Variants in BRINP3 observed in about 807,000 individuals in gnomAD.
BRINP3 encodes the protein BMP/retinoic acid inducible neural specific 3, also known as BMP/retinoic acid-inducible neural-specific protein 3.
BRINP3 carries 19 observed loss-of-function variants against 71.0 expected under a neutral mutation model. The ratio of observed to expected loss-of-function variants is 0.27; its 90% CI spans 0.19 to 0.39. The LOEUF (loss-of-function observed/expected upper bound fraction) is 0.39, where lower values mean the gene tolerates loss of function less well. Among genes scored for constraint, BRINP3 ranks in the 10% least tolerant of loss-of-function variants. The pLI is 1.00. For synonymous variants in BRINP3, 380 were observed against 337.7 expected, an observed-to-expected ratio of 1.13 and a Z score of -1.37; for missense variants, 959 against 940.8, an observed-to-expected ratio of 1.02 and a Z score of -0.25.
chr1:190,103,325 G>A (rs1651857491), intron 7 of BRINP3, among the ~76,000 whole-genome samples: 1 of 152,020 alleles, frequency 6.6e-6, no homozygotes. Flanking sequence ...ACCCACCTAC[G>A]ACAGAGTCTT....
intron 6 of BRINP3, among the ~76,000 whole-genome samples, chr1:190,171,564 A>G (rs565969159): frequency 4.6e-5 from 7 of 152,292 alleles, no homozygotes; most frequent in African/African-American, 1.7e-4. Flanking sequence ...TTAAATTAAG[A>G]AATTTCATCC....
At chr1:190,361,243 G>C (rs1233157310) in intron 2 of BRINP3, among the ~76,000 whole-genome samples, 1 of 151,944 alleles carries the variant, frequency 6.6e-6, no homozygotes, top group Non-Finnish European at 1.5e-5. Flanking sequence ...AAAGTCAGGA[G>C]ATATTAATCA....
At chr1:190,313,048 TA>T (rs1665642106) in intron 2 of BRINP3, among the ~76,000 whole-genome samples, 1 of 151,930 alleles carries the variant, frequency 6.6e-6, no homozygotes, top group African/African-American at 2.4e-5. Flanking sequence ...AAATTACTTT[TA>T]ACCAATACAT....
chr1:190,175,848 A>C (rs1238584867), intron 6 of BRINP3, among the ~76,000 whole-genome samples: 2 of 152,122 alleles, frequency 1.3e-5, no homozygotes, highest in Non-Finnish European at 2.9e-5. Context: ...GATTAAAACA[A>C]TTTATTTCTT....
At chr1:190,209,644 AG>A (rs1655815071) in intron 6 of BRINP3, among the ~76,000 whole-genome samples, 1 of 152,162 alleles carries the variant, frequency 6.6e-6, no homozygotes, top group Admixed American at 6.6e-5. Flanking sequence ...ATATTTGCTC[AG>A]TACTTTAAAT....
intron 2 of BRINP3, among the ~76,000 whole-genome samples, chr1:190,309,375 T>C (rs1247156420): frequency 6.6e-6 from 1 of 151,830 alleles, no homozygotes; most frequent in Non-Finnish European, 1.5e-5. Context: ...ATGTATAGTA[T>C]TGATAGTTGT....
intron 6 of BRINP3, among the ~76,000 whole-genome samples, chr1:190,167,595 T>G (rs972651262): frequency 3.3e-5 from 5 of 152,138 alleles, no homozygotes; most frequent in African/African-American, 4.8e-5. Context: ...CTGTAGGGCT[T>G]CAAAACAAGC....
At chr1:190,396,003 A>G (rs943775392) in intron 2 of BRINP3, among the ~76,000 whole-genome samples, 1 of 151,844 alleles carries the variant, frequency 6.6e-6, no homozygotes, top group African/African-American at 2.4e-5. Context: ...GCAAGGAAGG[A>G]AGGAAGGAGG....
chr1:190,378,018 ACT>A (rs1299798867), intron 2 of BRINP3, among the ~76,000 whole-genome samples: 1 of 152,088 alleles, frequency 6.6e-6, no homozygotes, highest in Non-Finnish European at 1.5e-5. Flanking sequence ...ACATATGAAA[ACT>A]CATCCTAAAA....
intron 6 of BRINP3, among the ~76,000 whole-genome samples, chr1:190,219,202 T>C (rs1364504668): frequency 1.3e-5 from 2 of 152,038 alleles, no homozygotes; most frequent in African/African-American, 4.8e-5. Flanking sequence ...CACAGACATT[T>C]ACCCATAAGA....
chr1:190,161,862 C>A (rs1341394078), intron 6 of BRINP3, among the ~76,000 whole-genome samples: 1 of 152,118 alleles, frequency 6.6e-6, no homozygotes, highest in Non-Finnish European at 1.5e-5. Flanking sequence ...TAAGATATTA[C>A]ACTCAGTGAA....
chr1:190,256,862 A>G (rs1285008846), intron 4 of BRINP3, among the ~76,000 whole-genome samples: 2 of 152,110 alleles, frequency 1.3e-5, no homozygotes, highest in African/African-American at 2.4e-5. Context: ...AACTTCTTTT[A>G]GTCTGACGTG....
intron 2 of BRINP3, among the ~76,000 whole-genome samples, chr1:190,295,329 A>G (rs954792872): frequency 3.3e-5 from 5 of 152,000 alleles, no homozygotes; most frequent in African/African-American, 9.7e-5. Context: ...GTCTTAGGCA[A>G]AGCCCCTGTA....
rs202175978 is a variant in BRINP3, at chr1:190,247,670, CA to C, written c.619-13194del. Among the ~76,000 whole-genome samples the C allele has an allele frequency of 3.2e-4, 49 of 151,906 alleles. No individual in the cohort carries two copies. In the East Asian group the frequency reaches 6.8e-3, roughly 21 times the overall value. ...CATACTTCTCACCCTCTAATACCCACAATTCTACTCTCTACCTCTCTACTTT... is the reference window on the plus strand; with the variant it reads ...CATACTTCTCACCCTCTAATACCCACATTCTACTCTCTACCTCTCTACTTT... On this transcript the variant is annotated intron_variant, in intron 4 of 7. Transcript: ENST00000367462.
chr1:190,414,877 T>C (rs1402179349), intron 2 of BRINP3, among the ~76,000 whole-genome samples: 1 of 152,182 alleles, frequency 6.6e-6, no homozygotes, highest in Non-Finnish European at 1.5e-5. Flanking sequence ...GTCATGACAT[T>C]TGTTGCCAAT....
At chr1:190,101,591 T>C (rs2102244353) in intron 7 of BRINP3, among the ~76,000 whole-genome samples, 1 of 152,300 alleles carries the variant, frequency 6.6e-6, no homozygotes, top group Middle Eastern at 3.4e-3. Flanking sequence ...CCTTTCTCTT[T>C]CTCTGTCCTC....
At chr1:190,350,720 G>T (rs1449507265) in intron 2 of BRINP3, among the ~76,000 whole-genome samples, 2 of 151,732 alleles carry the variant, frequency 1.3e-5, no homozygotes, top group African/African-American at 4.8e-5. Flanking sequence ...TAACCCAAAT[G>T]ACATAGCAGG....
At chr1:190,436,194 A>C (rs1674442318) in intron 2 of BRINP3, among the ~76,000 whole-genome samples, 1 of 151,988 alleles carries the variant, frequency 6.6e-6, no homozygotes, top group Non-Finnish European at 1.5e-5. Flanking sequence ...ATTATATTTT[A>C]ACATATGCTT....
At chr1:190,217,181 A>G (rs1400748233) in intron 6 of BRINP3, 2 of 152,060 alleles carry the variant, frequency 1.3e-5, no homozygotes, top group East Asian at 3.9e-4. Context: ...AGCTTTCCCA[A>G]CCATCAGGGA....
Sources: allele counts gnomAD v4.1 joint callset (sites outside exome capture counted in the v4.1 genomes callset), GRCh38; gene constraint gnomAD v4.1.1; transcripts MANE v1.5; gene names NCBI Gene and HGNC (gene_info 2026-07-23, HGNC 2026-07-21).